RBBP5: variants seen among roughly 807,000 people sequenced by gnomAD.
The protein encoded by RBBP5 is RB binding protein 5, histone lysine methyltransferase complex subunit.
RBBP5 carries 5 observed loss-of-function variants against 72.2 expected under a neutral mutation model. The observed-to-expected ratio is 0.07, with a 90% CI of 0.04 to 0.15. RBBP5 has a LOEUF of 0.15. Among genes scored for constraint, RBBP5 ranks in the 10% least tolerant of loss-of-function variants. The pLI, the probability that RBBP5 is intolerant of heterozygous loss-of-function variation, is 1.00. For synonymous variants in RBBP5, 209 were observed against 237.2 expected, an observed-to-expected ratio of 0.88 and a Z score of 1.09; for missense variants, 322 against 652.2, an observed-to-expected ratio of 0.49 and a Z score of 5.51.
chr1:205,104,968 C>T (rs1655997490), intron 4 of RBBP5, 60 bp downstream of exon 4: 25 of 1,562,408 alleles, frequency 1.6e-5, no homozygotes, highest in Non-Finnish European at 2.2e-5. Context: ...TTATCATGAG[C>T]CCAGAGCTAA....
intron 13 of RBBP5, among the ~76,000 whole-genome samples, chr1:205,089,873 CAG>C (rs1558568372): frequency 6.6e-6 from 1 of 152,014 alleles, no homozygotes; most frequent in Non-Finnish European, 1.5e-5. Flanking sequence ...TTTTTTTAGA[CAG>C]AGTTTCACTC....
In RBBP5 at chr1:205,093,458, CAAAAAA is replaced by C. The variant is rs761161251; in HGVS notation, c.1588+1409_1588+1414del. 4.7e-3 allele frequency among the ~76,000 whole-genome samples: 86 copies of C among 18,298 alleles called. 4 individuals carry two copies. Among genetic ancestry groups the C allele is most frequent in the African/African-American group, 0.027 (81 of 3,052 alleles). 12.0% of individuals were successfully genotyped at this position (18,298 alleles called of 152,430 possible). A position where few individuals can be genotyped will look rare whatever the true frequency, so the allele number is the denominator to read the frequency against. On this transcript the variant is annotated intron_variant, in intron 13 of 13. Transcript: ENST00000264515. ...TGGGGACAAGAGTGAAACTCCGTTT[CAAAAAA>C]AAAAAAAAAAAAAAAATATATATAT...
chr1:205,097,210 C>T, intron 11 of RBBP5, 116 bp downstream of exon 11: 1 of 1,003,346 alleles, frequency 1.0e-6, no homozygotes, highest in Middle Eastern at 3.1e-4. Context: ...AACGAGTTAT[C>T]TCTTTTAGCT....
At position 205,094,986 on chromosome 1, in the gene RBBP5, C is replaced by A; in HGVS notation, c.1475G>T (p.Gly492Val). Reference protein sequence around the residue: ...KQAGRPKGSKGKEKDSPFKPK... With the variant: ...KQAGRPKGSKVKEKDSPFKPK... ...TTTAAATGGAGAATCTTTCTCTTTACCTTTTGATCCTTTAGGCCGGCCTGC... is the reference window on the plus strand; with the variant it reads ...TTTAAATGGAGAATCTTTCTCTTTAACTTTTGATCCTTTAGGCCGGCCTGC... Residue 492 changes from glycine (G) to valine (V), a missense_variant, in exon 13 of 14, where the codon GGT (glycine) becomes GTT (valine). By Grantham distance (109) the Gly-to-Val change is moderately radical. Coordinates refer to ENST00000264515, the MANE Select transcript of RBBP5 (RefSeq NM_005057.4). 6.2e-7 allele frequency: 1 copy of A among 1,614,068 alleles called. No individual in the cohort carries two copies. The highest frequency in any genetic ancestry group is 8.5e-7 in the Non-Finnish European group (1 of 1,180,028).
chr1:205,118,257 G>C (rs1368487344), intron 1 of RBBP5, among the ~76,000 whole-genome samples: 1 of 152,162 alleles, frequency 6.6e-6, no homozygotes, highest in African/African-American at 2.4e-5. Context: ...CAAACAGTAA[G>C]ACGCAATCCA....
chr1:205,100,323 G>A, intron 6 of RBBP5, 52 bp from the exon 7 acceptor site: 2 of 1,593,736 alleles, frequency 1.3e-6, no homozygotes, highest in South Asian at 2.3e-5. Flanking sequence ...CTGTTCCTTA[G>A]TACTACAAAA....
chr1:205,102,137 C>A (rs1190627476), intron 5 of RBBP5, among the ~76,000 whole-genome samples: 2 of 152,112 alleles, frequency 1.3e-5, no homozygotes, highest in African/African-American at 4.8e-5. Context: ...CTCAGGTGAT[C>A]CGCCCACCTC....
Position 205,105,029 on chromosome 1 carries a change from G to C in RBBP5, c.358C>G (p.Gln120Glu). Residue 120 changes from glutamine (Q) to glutamate (E), a missense_variant and splice_region_variant, in exon 4 of 14, where the codon CAG becomes GAG. Transcript: ENST00000264515. ...ILKVQYHPRDQNKVLVCPMKS... is the reference protein window; with the variant it reads ...ILKVQYHPRDENKVLVCPMKS... ...AGGAGAGAAATAGCTTAAACATACTGATCTCGTGGATGATATTGGACTTTT... is the reference window on the plus strand; with the variant it reads ...AGGAGAGAAATAGCTTAAACATACTCATCTCGTGGATGATATTGGACTTTT... The C allele has an allele frequency of 6.2e-7, 1 of 1,613,936 alleles. No homozygotes were observed. Among genetic ancestry groups the C allele is most frequent in the Non-Finnish European group, 8.5e-7 (1 of 1,179,902 alleles).
intron 2 of RBBP5, 62 bp downstream of exon 2, chr1:205,115,796 T>A (rs1435157483): frequency 6.8e-7 from 1 of 1,480,192 alleles, no homozygotes; most frequent in African/African-American, 1.4e-5. Context: ...GTATTTTCTG[T>A]TCTAACATAA....
chr1:205,120,551 G>A (rs1656697070), intron 1 of RBBP5, among the ~76,000 whole-genome samples: 2 of 152,174 alleles, frequency 1.3e-5, no homozygotes, highest in Admixed American at 6.5e-5. Flanking sequence ...GGAGGCTGAG[G>A]TGAGTGGATT....
In RBBP5 at chr1:205,087,095, CAA is replaced by C. The variant is rs1655165246; in HGVS notation, c.*1690_*1691del. 1 of 152,098 alleles carries C rather than the reference CAA, an allele frequency of 6.6e-6. No individual in the cohort carries two copies. The highest frequency in any genetic ancestry group is 1.5e-5 in the Non-Finnish European group (1 of 68,022). 9.4% of individuals were successfully genotyped at this position (152,098 alleles called of 1,614,324 possible). ...ACTGGTTTTAAATGATGGAGTGAGA[CAA>C]AGAGGCTCTTGCTGACGTGCTCTAC... is the stretch of plus-strand genomic sequence containing the variant. On this transcript the variant is annotated 3_prime_UTR_variant, in exon 14 of 14. Coordinates refer to ENST00000264515, the MANE Select transcript of RBBP5 (RefSeq NM_005057.4).
At chr1:205,114,669 G>T in intron 3 of RBBP5, 120 bp downstream of exon 3, 1 of 976,252 alleles carries the variant, frequency 1.0e-6, no homozygotes, top group Non-Finnish European at 1.5e-6. Context: ...ATGATAAACT[G>T]TATTACTAAT....
At chr1:205,098,957 A>C in intron 10 of RBBP5, 32 bp downstream of exon 10, 1 of 1,362,702 alleles carries the variant, frequency 7.3e-7, no homozygotes, top group South Asian at 1.5e-5. Flanking sequence ...TTTTCCCTTT[A>C]GGAAATCCTG....
intron 10 of RBBP5, 115 bp from the exon 11 acceptor site, chr1:205,097,510 C>T: frequency 1.1e-6 from 1 of 933,364 alleles, no homozygotes. Context: ...GAAAACCAAA[C>T]AGTTCACTTC....
At chr1:205,094,326 C>T (rs1366234917) in intron 13 of RBBP5, among the ~76,000 whole-genome samples, 1 of 152,168 alleles carries the variant, frequency 6.6e-6, no homozygotes, top group Non-Finnish European at 1.5e-5. Context: ...ATGGTACTAA[C>T]AATTTCATTA....
intron 6 of RBBP5, 90 bp from the exon 7 acceptor site, chr1:205,100,361 G>A (rs1655771769): frequency 1.4e-6 from 2 of 1,471,934 alleles, no homozygotes; most frequent in South Asian, 1.3e-5. Flanking sequence ...AAGAATTGAG[G>A]AAAAATCAAA....
At chr1:205,116,196 T>G (rs969470487) in intron 1 of RBBP5, 3 of 449,270 alleles carry the variant, frequency 6.7e-6, no homozygotes, top group African/African-American at 6.0e-5. Flanking sequence ...TTTGTAAAAA[T>G]GTCACAACAG....
intron 13 of RBBP5, among the ~76,000 whole-genome samples, chr1:205,093,932 T>C (rs1348839872): frequency 6.6e-6 from 1 of 152,158 alleles, no homozygotes; most frequent in Non-Finnish European, 1.5e-5. Context: ...AATCCTACCT[T>C]TGAGTCTACC....
At chr1:205,096,195 A>T (rs1271032668) in intron 12 of RBBP5, among the ~76,000 whole-genome samples, 1 of 152,136 alleles carries the variant, frequency 6.6e-6, no homozygotes, top group African/African-American at 2.4e-5. Flanking sequence ...CCTGTCTCAA[A>T]AAAATAAAAT....
Sources: allele counts gnomAD v4.1 joint callset (sites outside exome capture counted in the v4.1 genomes callset), GRCh38; gene constraint gnomAD v4.1.1; transcripts MANE v1.5; gene names NCBI Gene and HGNC (gene_info 2026-07-23, HGNC 2026-07-21).